Variants in LAMA2 observed in about 807,000 individuals in gnomAD.
The protein encoded by LAMA2 is laminin subunit alpha 2, also known as laminin subunit alpha-2.
LAMA2 carries 269 observed loss-of-function variants against 364.8 expected under a neutral mutation model. The ratio of observed to expected loss-of-function variants is 0.74; its 90% CI spans 0.67 to 0.82. The LOEUF is 0.82. LAMA2 is among the 40% of genes least tolerant of loss of function. The probability of loss-of-function intolerance (pLI) is 0.00; values close to 1 mark genes in which losing one functional copy is unlikely to be tolerated. For synonymous variants in LAMA2, 1,379 were observed against 1,370.6 expected (o/e 1.01, Z -0.14); for missense variants, 3,807 against 3,873.2 (o/e 0.98, Z 0.45).
At chr6:128,889,762 G>A (rs977074547) in intron 1 of LAMA2, among the ~76,000 whole-genome samples, 1 of 152,148 alleles carries the variant, frequency 6.6e-6, no homozygotes, top group Non-Finnish European at 1.5e-5. Context: ...TATTTTCAGG[G>A]TGAGTTAAAG....
At chr6:129,483,344 TAAGAA>T (rs1784445044) in intron 55 of LAMA2, among the ~76,000 whole-genome samples, 1 of 151,796 alleles carries the variant, frequency 6.6e-6, no homozygotes, top group African/African-American at 2.4e-5. Context: ...GCTAGCATAG[TAAGAA>T]AAGAACAAGT....
rs183918531 is a variant in LAMA2, at chr6:129,150,608, T to A, written c.1027+1512T>A. On this transcript the variant is annotated intron_variant, in intron 7 of 64. Transcript: ENST00000421865. Reference sequence around the variant, plus strand: ...GGTAGACTAAGCAAGGCAAGACATTTCAAACTGCTACTGTACACATTTTTA... The same window carrying A: ...GGTAGACTAAGCAAGGCAAGACATTACAAACTGCTACTGTACACATTTTTA... 6.4e-3 allele frequency among the ~76,000 whole-genome samples: 972 copies of A among 152,310 alleles called. 9 individuals are homozygous for A. The highest frequency in any genetic ancestry group is 0.022 in the African/African-American group (932 of 41,574).
At chr6:129,319,974 A>T (rs1774851610) in intron 27 of LAMA2, among the ~76,000 whole-genome samples, 4 of 152,010 alleles carry the variant, frequency 2.6e-5, no homozygotes, top group Admixed American at 1.3e-4. Context: ...TTCTACTAAA[A>T]ATACAATAAT....
rs1297426508 is a variant in LAMA2, at chr6:129,261,019, ACT to A, written c.2208+200_2208+201del. Among the ~76,000 whole-genome samples, 12 of 152,104 alleles carry A rather than the reference ACT, an allele frequency of 7.9e-5. No individual in the cohort carries two copies. The East Asian group carries it at 2.3e-3, about 29-fold the overall frequency. ...ATTAACCACATAATTTCATTTTGTA[ACT>A]CTTTCTCTCTGAGATATTTTGCCTA... is the stretch of plus-strand genomic sequence containing the variant. On this transcript the variant is annotated intron_variant, in intron 15 of 64. Coordinates refer to ENST00000421865, the MANE Select transcript of LAMA2 (RefSeq NM_000426.4).
In LAMA2 at chr6:129,417,466, T is replaced by C. The variant is rs571674086; in HGVS notation, c.5866-10286T>C. ...AGGGGAGGAAGTGTATGCTGATTGG[T>C]CCATGGGTGGCCATGAGCTGGCCCA... On this transcript the variant is annotated intron_variant, in intron 40 of 64. Transcript: ENST00000421865. 2.6e-5 allele frequency among the ~76,000 whole-genome samples: 4 copies of C among 152,126 alleles called. No homozygotes were observed. In the East Asian group the frequency reaches 5.8e-4, roughly 22 times the overall value.
intron 45 of LAMA2, among the ~76,000 whole-genome samples, chr6:129,448,444 CA>C (rs916390831): frequency 2.6e-5 from 4 of 152,100 alleles, no homozygotes; most frequent in Non-Finnish European, 5.9e-5. Context: ...TGCAAGTAGC[CA>C]ATTTTTTTCC....
intron 35 of LAMA2, among the ~76,000 whole-genome samples, chr6:129,389,241 G>A (rs1468336309): frequency 2.0e-5 from 3 of 152,206 alleles, no homozygotes; most frequent in African/African-American, 4.8e-5. Context: ...TAAGACATGT[G>A]ATTCAAATAT....
intron 4 of LAMA2, among the ~76,000 whole-genome samples, chr6:129,098,973 G>T (rs75481868): frequency 6.6e-6 from 1 of 152,242 alleles, no homozygotes; most frequent in East Asian, 1.9e-4. Flanking sequence ...GCTAGGTTAC[G>T]TGCTTAGTTC....
chr6:128,944,311 C>T (rs186271684), intron 1 of LAMA2, among the ~76,000 whole-genome samples: 6 of 152,194 alleles, frequency 3.9e-5, no homozygotes, highest in African/African-American at 1.4e-4. Context: ...ATGTTCACCC[C>T]AAAGTTTGCA....
At chr6:129,055,176 T>TTTATTATTATTTA (rs543816872) in intron 2 of LAMA2, among the ~76,000 whole-genome samples, 15,911 of 123,334 alleles carry the variant, frequency 0.13, 1,074 homozygotes, top group Middle Eastern at 0.2. Context: ...ATTATTATTA[T>TTTATTATTATTTA]TTATTATTAT....
chr6:129,092,289 T>C (rs1020901420), intron 3 of LAMA2, among the ~76,000 whole-genome samples: 6 of 152,328 alleles, frequency 3.9e-5, no homozygotes, highest in African/African-American at 1.2e-4. Context: ...ATAATTGTAT[T>C]GGCTATATGT....
intron 40 of LAMA2, among the ~76,000 whole-genome samples, chr6:129,425,217 C>G (rs1781267299): frequency 6.6e-6 from 1 of 151,994 alleles, no homozygotes. Flanking sequence ...ATATTCAAAA[C>G]TTATCCAATT....
chr6:129,281,869 T>C (rs544043313), intron 18 of LAMA2, among the ~76,000 whole-genome samples: 1 of 152,306 alleles, frequency 6.6e-6, no homozygotes, highest in South Asian at 2.1e-4. Context: ...TTTCCAGGAA[T>C]ATTTAAGATT....
At chr6:129,163,358 G>GCA (rs1779556943) in intron 8 of LAMA2, among the ~76,000 whole-genome samples, 3 of 152,094 alleles carry the variant, frequency 2.0e-5, no homozygotes, top group African/African-American at 2.4e-5. Flanking sequence ...ATTAGGCCGG[G>GCA]CACAGTGGTT....
chr6:129,209,200 A>G (rs1282053442), intron 12 of LAMA2, among the ~76,000 whole-genome samples: 3 of 152,242 alleles, frequency 2.0e-5, no homozygotes, highest in African/African-American at 4.8e-5. Context: ...ATATAAAAGC[A>G]AAAATGCTTT....
chr6:129,106,875 A>AATATATAT (rs1554219037), intron 4 of LAMA2, among the ~76,000 whole-genome samples: 20 of 142,650 alleles, frequency 1.4e-4, no homozygotes, highest in Admixed American at 1.0e-3. Flanking sequence ...AAAAAAAAAA[A>AATATATAT]ATATATATAT....
intron 64 of LAMA2, 49 bp from the exon 65 acceptor site, chr6:129,516,141 T>G: frequency 6.2e-7 from 1 of 1,600,174 alleles, no homozygotes; most frequent in Non-Finnish European, 8.6e-7. Context: ...CTCTTAATAT[T>G]TGGTGCAGGA....
intron 1 of LAMA2, among the ~76,000 whole-genome samples, chr6:128,934,533 C>T (rs1477157405): frequency 6.6e-6 from 1 of 150,980 alleles, no homozygotes; most frequent in Non-Finnish European, 1.5e-5. Context: ...TGGAATTTCC[C>T]TCTTTTCGCT....
chr6:129,017,585 A>G (rs1444641960), intron 1 of LAMA2, among the ~76,000 whole-genome samples: 1 of 152,004 alleles, frequency 6.6e-6, no homozygotes, highest in East Asian at 1.9e-4. Context: ...TCATAATTTC[A>G]TGGGATGCAT....
Sources: gnomAD v4.1 joint callset for allele counts (sites outside exome capture counted in the v4.1 genomes callset) on GRCh38, gnomAD v4.1.1 for gene constraint, MANE v1.5 for transcripts, NCBI Gene and HGNC (gene_info 2026-07-23, HGNC 2026-07-21) for gene names.